KCNAB1: variants seen among roughly 807,000 people sequenced by gnomAD.
KCNAB1 encodes voltage-gated potassium channel subunit beta-1.
In KCNAB1, 35 loss-of-function variants were observed where a neutral mutation model predicts 64.6. That is an observed-to-expected ratio of 0.54 (90% CI 0.41 to 0.72). KCNAB1 has a LOEUF of 0.72. Among genes scored for constraint, KCNAB1 ranks in the 30% least tolerant of loss-of-function variants. KCNAB1 has a pLI of 0.00. For missense variants in KCNAB1, 401 were observed against 512.9 expected (o/e 0.78, Z 2.11); for synonymous variants, 177 against 183.8 (o/e 0.96, Z 0.30).
At chr3:156,307,318 A>G (rs1393158835) in intron 1 of KCNAB1, among the ~76,000 whole-genome samples, 4 of 151,932 alleles carry the variant, frequency 2.6e-5, no homozygotes, top group African/African-American at 9.7e-5. Flanking sequence ...AACAGAAGAG[A>G]TTATTTTTAT....
At chr3:156,455,307 A>G (rs1035274726) in intron 3 of KCNAB1, among the ~76,000 whole-genome samples, 1 of 152,246 alleles carries the variant, frequency 6.6e-6, no homozygotes, top group African/African-American at 2.4e-5. Context: ...TTAATTGTTG[A>G]TAATTACATG....
In KCNAB1 at chr3:156,459,786, A is replaced by G. The variant is rs775205830; in HGVS notation, c.438-41A>G. On this transcript the variant is annotated intron_variant, in intron 4 of 13. Coordinates refer to ENST00000490337, the MANE Select transcript of KCNAB1 (RefSeq NM_172160.3). ...GTTCTGGATTGACTCTTGCTTTTCCAGGACACTGCATTCTAAGACATTATC... is the reference window on the plus strand; with the variant it reads ...GTTCTGGATTGACTCTTGCTTTTCCGGGACACTGCATTCTAAGACATTATC... 9.4e-6 allele frequency: 14 copies of G among 1,485,670 alleles called. No homozygotes were observed. In the Admixed American group the frequency reaches 2.5e-4, roughly 26 times the overall value. 92.0% of individuals were successfully genotyped at this position (1,485,670 alleles called of 1,614,324 possible).
At chr3:156,408,619 A>C (rs534334814) in intron 1 of KCNAB1, among the ~76,000 whole-genome samples, 1 of 152,184 alleles carries the variant, frequency 6.6e-6, no homozygotes, top group South Asian at 2.1e-4. Flanking sequence ...TTCTCAGCTA[A>C]AAATACAAAA....
chr3:156,126,400 G>T (rs1405806853), intron 1 of KCNAB1, among the ~76,000 whole-genome samples: 1 of 152,186 alleles, frequency 6.6e-6, no homozygotes, highest in African/African-American at 2.4e-5. Context: ...GGGGAAATTT[G>T]TAGGAGAAAG....
intron 2 of KCNAB1, among the ~76,000 whole-genome samples, chr3:156,427,382 A>G (rs115420778): frequency 0.014 from 2,090 of 152,196 alleles, 43 homozygotes; most frequent in African/African-American, 0.047. Flanking sequence ...AACACAGAAG[A>G]CTGAGGTGTT....
At chr3:156,463,348 C>T (rs1713079434) in intron 5 of KCNAB1, among the ~76,000 whole-genome samples, 1 of 152,140 alleles carries the variant, frequency 6.6e-6, no homozygotes, top group Admixed American at 6.5e-5. Context: ...CACTTTCATC[C>T]CCACACGCCA....
intron 1 of KCNAB1, among the ~76,000 whole-genome samples, chr3:156,283,737 C>T (rs1293961340): frequency 6.6e-6 from 1 of 151,954 alleles, no homozygotes; most frequent in Non-Finnish European, 1.5e-5. Context: ...CGCTGATACC[C>T]TTTCTTCCAG....
Position 156,143,112 on chromosome 3 carries a change from G to A in KCNAB1, c.275+22226G>A, listed in dbSNP as rs958674394. 17 of 1,492,640 alleles carry A rather than the reference G, an allele frequency of 1.1e-5. No homozygotes were observed. The African/African-American group carries it at 2.0e-4, about 17-fold the overall frequency. 92.5% of individuals were successfully genotyped at this position (1,492,640 alleles called of 1,614,324 possible). On this transcript the variant is annotated intron_variant, in intron 1 of 13. Transcript: ENST00000490337. ...AGCCAGATAACCCAAGGTATTCACA[G>A]CAAGATACAGTGAGTCTTAAAGTTA... is the stretch of plus-strand genomic sequence containing the variant.
At chr3:156,425,253 A>G (rs557901234) in intron 2 of KCNAB1, among the ~76,000 whole-genome samples, 1 of 152,346 alleles carries the variant, frequency 6.6e-6, no homozygotes, top group South Asian at 2.1e-4. Flanking sequence ...TCTAAAAGTG[A>G]TAGTTAAAGC....
intron 1 of KCNAB1, among the ~76,000 whole-genome samples, chr3:156,280,678 C>G (rs1016480328): frequency 6.6e-6 from 1 of 150,626 alleles, no homozygotes; most frequent in Non-Finnish European, 1.5e-5. Context: ...TGAAGAGGTC[C>G]TTCACATCCC....
At chr3:156,386,029 C>T (rs1479118923) in intron 1 of KCNAB1, among the ~76,000 whole-genome samples, 1 of 152,152 alleles carries the variant, frequency 6.6e-6, no homozygotes, top group African/African-American at 2.4e-5. Flanking sequence ...AAGTTACCAG[C>T]AGTGAATCCA....
chr3:156,229,848 T>C (rs1716412921), intron 1 of KCNAB1, among the ~76,000 whole-genome samples: 1 of 152,148 alleles, frequency 6.6e-6, no homozygotes, highest in South Asian at 2.1e-4. Flanking sequence ...CCTGCAATTA[T>C]AATTTAAAAA....
intron 11 of KCNAB1, among the ~76,000 whole-genome samples, chr3:156,521,109 T>C (rs192896516): frequency 8.2e-4 from 125 of 152,310 alleles, no homozygotes; most frequent in African/African-American, 2.8e-3. Context: ...AGCCAACTAA[T>C]CTGTAGAGCA....
At chr3:156,126,551 G>A (rs1713666575) in intron 1 of KCNAB1, among the ~76,000 whole-genome samples, 1 of 152,174 alleles carries the variant, frequency 6.6e-6, no homozygotes, top group Non-Finnish European at 1.5e-5. Flanking sequence ...ATTAGCTTTG[G>A]CAAAGTGAAG....
chr3:156,338,494 TAGAG>T (rs1723884840), intron 1 of KCNAB1, among the ~76,000 whole-genome samples: 1 of 151,912 alleles, frequency 6.6e-6, no homozygotes, highest in African/African-American at 2.4e-5. Flanking sequence ...TATTGTTTAG[TAGAG>T]ATGGGGTTTC....
At position 156,176,046 on chromosome 3, in the gene KCNAB1, A is replaced by G. The variant is rs74378499; in HGVS notation, c.275+55160A>G. 2.9e-3 allele frequency: 2,276 copies of G among 773,742 alleles called. 27 individuals carry two copies. In the African/African-American group the frequency reaches 0.031, roughly 11 times the overall value. The allele number at this position is 773,742 out of a possible 1,614,324, so 47.9% of individuals were successfully genotyped here. ...CTATTTTGCTTCCATCAGGTGACCA[A>G]GAACATCTTAGAAGGTTCTTTTCAA... On this transcript the variant is annotated intron_variant, in intron 1 of 13. Coordinates refer to ENST00000490337, the MANE Select transcript of KCNAB1 (RefSeq NM_172160.3).
chr3:156,120,469 C>A (rs1313119305), upstream of KCNAB1: 9 of 931,730 alleles, frequency 9.7e-6, no homozygotes, highest in Non-Finnish European at 1.5e-5. Context: ...AAGCCACAGA[C>A]TGGGCTCAAT....
At chr3:156,451,216 C>T (rs938899644) in intron 2 of KCNAB1, among the ~76,000 whole-genome samples, 16 of 152,346 alleles carry the variant, frequency 1.1e-4, no homozygotes, top group African/African-American at 3.8e-4. Flanking sequence ...AGTGGATCAA[C>T]AGCATTCTAG....
chr3:156,246,611 A>AG (rs1203246260), intron 1 of KCNAB1, among the ~76,000 whole-genome samples: 1 of 147,914 alleles, frequency 6.8e-6, no homozygotes, highest in Non-Finnish European at 1.5e-5. Flanking sequence ...TCAAAAAAAA[A>AG]AAAAGTTAAT....
Sources: allele counts gnomAD v4.1 joint callset (sites outside exome capture counted in the v4.1 genomes callset), GRCh38; gene constraint gnomAD v4.1.1; transcripts MANE v1.5; gene names NCBI Gene and HGNC (gene_info 2026-07-23, HGNC 2026-07-21).